The following PPP1R17 variants were observed in gnomAD, a reference collection of about 807,000 sequenced individuals.
The protein encoded by PPP1R17 is protein phosphatase 1 regulatory subunit 17.
In PPP1R17, 12 loss-of-function variants were observed where a neutral mutation model predicts 15.9. That is an observed-to-expected ratio of 0.75 (90% CI 0.48 to 1.22). The LOEUF (loss-of-function observed/expected upper bound fraction) is 1.22. Ranked by LOEUF, PPP1R17 falls within the 50% of genes most tolerant of loss-of-function variation. The pLI is 0.00. For missense variants in PPP1R17, 211 were observed against 187.3 expected, an observed-to-expected ratio of 1.13 and a Z score of -0.74; for synonymous variants, 63 against 64.5, an observed-to-expected ratio of 0.98 and a Z score of 0.11.
intron 2 of PPP1R17, among the ~76,000 whole-genome samples, chr7:31,694,213 A>G (rs1158573759): frequency 6.6e-6 from 1 of 152,202 alleles, no homozygotes; most frequent in African/African-American, 2.4e-5. Context: ...AAGAACACTC[A>G]GGACTGGAGT....
chr7:31,707,587 G>C lies in PPP1R17; in HGVS notation c.*304G>C. On this transcript the variant is annotated 3_prime_UTR_variant, in exon 5 of 5. Transcript: ENST00000342032. The stretch of plus-strand genomic sequence containing the variant: ...CTGGGGTTCGGTTTCTGCATCTTCT[G>C]GATCAATTCACGGAACAGAGATCGT... The C allele has an allele frequency of 3.2e-6, 1 of 311,032 alleles. No homozygotes were observed. The highest frequency in any genetic ancestry group is 5.9e-6 in the Non-Finnish European group (1 of 168,436). The allele number at this position is 311,032 out of a possible 1,614,324, so 19.3% of individuals were successfully genotyped here.
intron 1 of PPP1R17, 31 bp downstream of exon 1, chr7:31,687,337 T>A (rs1339629410): frequency 3.3e-5 from 5 of 152,282 alleles, no homozygotes; most frequent in Non-Finnish European, 7.3e-5. Context: ...CTCCAAGAAC[T>A]TTTGTGGTGA....
chr7:31,698,821 C>T (rs764344545), intron 4 of PPP1R17, among the ~76,000 whole-genome samples: 8 of 152,112 alleles, frequency 5.3e-5, no homozygotes, highest in South Asian at 2.1e-4. Flanking sequence ...AAATCCTTTC[C>T]GAGGAAGAGA....
chr7:31,705,738 T>C (rs114874827), intron 4 of PPP1R17, among the ~76,000 whole-genome samples: 292 of 130,634 alleles, frequency 2.2e-3, no homozygotes, highest in African/African-American at 8.1e-3. Flanking sequence ...CTTCATGGAC[T>C]GGAAGGCGTC....
chr7:31,695,761 T>G, intron 3 of PPP1R17, 140 bp downstream of exon 3: 1 of 772,972 alleles, frequency 1.3e-6, no homozygotes, highest in Non-Finnish European at 2.0e-6. Flanking sequence ...TCTGTATTAG[T>G]TACAATATAG....
chr7:31,694,387 A>ACACACACACACAC (rs1792484261), intron 2 of PPP1R17, among the ~76,000 whole-genome samples: 4 of 141,598 alleles, frequency 2.8e-5, no homozygotes, highest in East Asian at 4.2e-4. Context: ...CTCTCTCTCA[A>ACACACACACACAC]ACACACACAC....
At chr7:31,699,930 T>C (rs1792771848) in intron 4 of PPP1R17, among the ~76,000 whole-genome samples, 1 of 152,128 alleles carries the variant, frequency 6.6e-6, no homozygotes, top group Admixed American at 6.5e-5. Flanking sequence ...ATGCGTTCTG[T>C]CTGTTCCACT....
In PPP1R17 at chr7:31,707,885, C is replaced by A. The variant is rs1046555; in HGVS notation, c.*602C>A. On this transcript the variant is annotated 3_prime_UTR_variant, in exon 5 of 5. Coordinates refer to ENST00000342032, the MANE Select transcript of PPP1R17 (RefSeq NM_006658.5). Reference sequence around the variant, plus strand: ...GGGGAGTCAACCCAGCCCACCATGCCTTGGCTGATGATACCAGAGGCAGAG... The same window carrying A: ...GGGGAGTCAACCCAGCCCACCATGCATTGGCTGATGATACCAGAGGCAGAG... 1.3e-5 allele frequency: 2 copies of A among 152,168 alleles called. No individual in the cohort carries two copies. The highest frequency in any genetic ancestry group is 2.9e-5 in the Non-Finnish European group (2 of 68,058). 9.4% of individuals were successfully genotyped at this position (152,168 alleles called of 1,614,324 possible). A position where few individuals can be genotyped will look rare whatever the true frequency, so the allele number is the denominator to read the frequency against.
intron 4 of PPP1R17, among the ~76,000 whole-genome samples, chr7:31,698,956 ATATT>A (rs1792728663): frequency 6.6e-6 from 1 of 152,222 alleles, no homozygotes; most frequent in African/African-American, 2.4e-5. Flanking sequence ...TGCTCAGTCA[ATATT>A]TATTGAGTGC....
At chr7:31,698,524 T>C (rs1249474514) in intron 4 of PPP1R17, among the ~76,000 whole-genome samples, 2 of 152,204 alleles carry the variant, frequency 1.3e-5, no homozygotes, top group Non-Finnish European at 2.9e-5. Flanking sequence ...AAGCACTGAC[T>C]ACATGCAAGC....
intron 4 of PPP1R17, among the ~76,000 whole-genome samples, chr7:31,701,106 G>A (rs1792830630): frequency 6.6e-6 from 1 of 152,178 alleles, no homozygotes; most frequent in African/African-American, 2.4e-5. Context: ...ACCTAGAGCT[G>A]CTATAGATAG....
In PPP1R17 at chr7:31,707,206, G is replaced by C; in HGVS notation, c.391G>C (p.Val131Leu). 1 of 1,613,512 alleles carries C rather than the reference G, an allele frequency of 6.2e-7. No homozygotes were observed. Among genetic ancestry groups the C allele is most frequent in the Non-Finnish European group, 8.5e-7 (1 of 1,179,650 alleles). Residue 131 changes from valine (V) to leucine (L), a missense_variant and splice_region_variant, in exon 5 of 5, where the codon GTG (valine) becomes CTG (leucine). Physicochemically the swap from Val to Leu is conservative, Grantham distance 32. Coordinates refer to ENST00000342032, the MANE Select transcript of PPP1R17 (RefSeq NM_006658.5). ...CAGGTCTGTGCTTTGTTTTGCAGGTGTGACATTGCTCAGGGACGAGAGACC... is the reference window on the plus strand; with the variant it reads ...CAGGTCTGTGCTTTGTTTTGCAGGTCTGACATTGCTCAGGGACGAGAGACC... ...ALHMSPFAAG[V>L]TLLRDERPKA... is the part of the protein sequence containing the mutation.
intron 4 of PPP1R17, 75 bp downstream of exon 4, chr7:31,697,192 A>C (rs1235408349): frequency 2.6e-6 from 4 of 1,552,690 alleles, no homozygotes; most frequent in Non-Finnish European, 3.5e-6. Flanking sequence ...GGAGGTCCCC[A>C]GGGCCTGGCC....
intron 4 of PPP1R17, among the ~76,000 whole-genome samples, chr7:31,703,953 G>T (rs571756965): frequency 6.6e-6 from 1 of 152,180 alleles, no homozygotes; most frequent in Non-Finnish European, 1.5e-5. Flanking sequence ...GGCCCTCATC[G>T]CAGTGACTGC....
At chr7:31,706,064 G>A (rs1023103193) in intron 4 of PPP1R17, among the ~76,000 whole-genome samples, 10 of 133,648 alleles carry the variant, frequency 7.5e-5, no homozygotes, top group Non-Finnish European at 1.4e-4. Flanking sequence ...GAGTGCAGTG[G>A]TGTAATCTCG....
chr7:31,687,648 C>T (rs1471880675), intron 1 of PPP1R17, among the ~76,000 whole-genome samples: 3 of 152,130 alleles, frequency 2.0e-5, no homozygotes, highest in Non-Finnish European at 2.9e-5. Flanking sequence ...TTCTCCATGC[C>T]CTACTTTAAG....
intron 4 of PPP1R17, among the ~76,000 whole-genome samples, chr7:31,706,574 C>T (rs1051865281): frequency 6.6e-6 from 1 of 152,164 alleles, no homozygotes; most frequent in African/African-American, 2.4e-5. Flanking sequence ...CCTCCTGGTA[C>T]AGTACTGACA....
intron 2 of PPP1R17, among the ~76,000 whole-genome samples, chr7:31,692,946 A>G (rs1319050573): frequency 6.6e-6 from 1 of 152,216 alleles, no homozygotes; most frequent in African/African-American, 2.4e-5. Flanking sequence ...AGAATTTTAA[A>G]TAGCCTTTTT....
At chr7:31,703,162 G>A (rs1792924360) in intron 4 of PPP1R17, among the ~76,000 whole-genome samples, 1 of 152,160 alleles carries the variant, frequency 6.6e-6, no homozygotes, top group Non-Finnish European at 1.5e-5. Context: ...CAGAGCTCTT[G>A]GCTATCAAAA....
Sources: allele counts gnomAD v4.1 joint callset (sites outside exome capture counted in the v4.1 genomes callset), GRCh38; gene constraint gnomAD v4.1.1; transcripts MANE v1.5; gene names NCBI Gene and HGNC (gene_info 2026-07-23, HGNC 2026-07-21).